ACACB: variants seen among roughly 807,000 people sequenced by gnomAD.
ACACB encodes acetyl-CoA carboxylase beta.
ACACB carries 209 observed loss-of-function variants against 278.8 expected under a neutral mutation model. The ratio of observed to expected loss-of-function variants is 0.75; its 90% CI spans 0.67 to 0.84. The LOEUF is 0.84. ACACB is among the 40% of genes least tolerant of loss of function. ACACB has a pLI of 0.00. For missense variants in ACACB, 2,850 were observed against 3,269.0 expected (o/e 0.87, Z 3.13); for synonymous variants, 1,174 against 1,285.6 (o/e 0.91, Z 1.86).
At chr12:109,186,874 G>T (rs1027383378) in intron 12 of ACACB, among the ~76,000 whole-genome samples, 5 of 152,094 alleles carry the variant, frequency 3.3e-5, no homozygotes, top group South Asian at 4.1e-4. Context: ...CACTTGGGTC[G>T]CTCCATCTCT....
upstream of ACACB, among the ~76,000 whole-genome samples, chr12:109,112,688 CAAAA>C (rs57131257): frequency 0.31 from 32,067 of 103,168 alleles, 3,961 homozygotes; most frequent in African/African-American, 0.42. Flanking sequence ...AACTCCGTCT[CAAAA>C]AAAAAAAAAA....
In ACACB at chr12:109,138,892, T is replaced by G. The variant is rs1326876930; in HGVS notation, c.-9-505T>G. Among the ~76,000 whole-genome samples the G allele has an allele frequency of 5.3e-5, 8 of 152,140 alleles. No homozygotes were observed. The South Asian group carries it at 8.3e-4, about 16-fold the overall frequency. The stretch of plus-strand genomic sequence containing the variant: ...AAAAAACCCCAGCTTTATTGAGAGA[T>G]AATTCACATGGCATACAATCCACTC... On this transcript the variant is annotated intron_variant, in intron 1 of 52. Transcript: ENST00000338432.
chr12:109,152,640 C>CTTTTTTTTTTTTTTTTTT (rs34863094), intron 2 of ACACB, among the ~76,000 whole-genome samples: 14 of 74,862 alleles, frequency 1.9e-4, no homozygotes, highest in Non-Finnish European at 3.3e-4. Context: ...TTCTTTCTTT[C>CTTTTTTTTTTTTTTTTTT]TTTTTTTTTT....
At chr12:109,182,544 A>AT (rs1314558240) in intron 11 of ACACB, among the ~76,000 whole-genome samples, 1 of 151,878 alleles carries the variant, frequency 6.6e-6, no homozygotes, top group Non-Finnish European at 1.5e-5. Flanking sequence ...ACTTTTTAAA[A>AT]TTTTTTGTAC....
intron 9 of ACACB, among the ~76,000 whole-genome samples, chr12:109,178,472 T>A (rs1461909304): frequency 1.3e-5 from 2 of 152,230 alleles, no homozygotes; most frequent in Non-Finnish European, 2.9e-5. Context: ...TGTTGCTATA[T>A]GCATAGAAGA....
intron 44 of ACACB, among the ~76,000 whole-genome samples, chr12:109,254,819 G>A (rs1315404674): frequency 6.6e-6 from 1 of 151,576 alleles, no homozygotes; most frequent in African/African-American, 2.4e-5. Context: ...CTGTCGCCCA[G>A]GCTGGAGTGC....
At chr12:109,194,502 CTGTGTGTGCATG>C (rs1565907894) in intron 16 of ACACB, among the ~76,000 whole-genome samples, 61 of 73,028 alleles carry the variant, frequency 8.4e-4, no homozygotes, top group African/African-American at 3.1e-3. Flanking sequence ...ACCTCTGCCT[CTGTGTGTGCATG>C]TGTGTGTGTG....
intron 19 of ACACB, among the ~76,000 whole-genome samples, chr12:109,202,849 A>T (rs890854634): frequency 2.0e-5 from 3 of 152,180 alleles, no homozygotes; most frequent in Non-Finnish European, 2.9e-5. Context: ...TTCATTTTTT[A>T]AAAATTGTGG....
chr12:109,160,472 T>G (rs1233036106), intron 2 of ACACB, among the ~76,000 whole-genome samples: 1 of 152,216 alleles, frequency 6.6e-6, no homozygotes, highest in Non-Finnish European at 1.5e-5. Flanking sequence ...CCATTCCTGA[T>G]ACTATTCTGC....
At chr12:109,113,739 C>T (rs2042352455), upstream of ACACB, among the ~76,000 whole-genome samples, 1 of 152,182 alleles carries the variant, frequency 6.6e-6, no homozygotes, top group Non-Finnish European at 1.5e-5. Context: ...TTGGCGTATG[C>T]GTGTGGTGTT....
rs528977998 is a variant in ACACB, at chr12:109,199,534, C to T, written c.2760C>T (p.Ser920=). Residue 920 remains serine (S), a synonymous_variant, in exon 18 of 53, where the codon AGC becomes AGT. Coordinates refer to ENST00000338432, the MANE Select transcript of ACACB (RefSeq NM_001093.4). ...VEDGGHVEAG[S]SYAEMEVMKM... is the part of the protein sequence containing the mutation. ...ATGGGGGCCACGTTGAGGCTGGGAG[C>T]AGCTACGCTGAGATGGAGGTGACTG... 2 of 1,495,564 alleles carry T rather than the reference C, an allele frequency of 1.3e-6. No homozygotes were observed. Among genetic ancestry groups the T allele is most frequent in the Admixed American group, 2.2e-5 (1 of 46,084 alleles). 92.6% of individuals were successfully genotyped at this position (1,495,564 alleles called of 1,614,324 possible).
At chr12:109,238,342 ATTTTT>A (rs750967305) in intron 34 of ACACB, among the ~76,000 whole-genome samples, 1 of 133,738 alleles carries the variant, frequency 7.5e-6, no homozygotes, top group African/African-American at 2.8e-5. Flanking sequence ...ACCGTGTATA[ATTTTT>A]TTTTTTTTTT....
intron 13 of ACACB, among the ~76,000 whole-genome samples, chr12:109,189,937 C>T (rs980676376): frequency 1.3e-5 from 2 of 152,010 alleles, no homozygotes; most frequent in African/African-American, 4.8e-5. Flanking sequence ...ATGACGAAAC[C>T]CCGTGTCTAC....
Position 109,266,700 on chromosome 12 carries a change from G to T in ACACB, c.*338G>T. On this transcript the variant is annotated 3_prime_UTR_variant, in exon 53 of 53. Transcript: ENST00000338432. ...GCATGTGGGATCCAGGCGTTCTTTAGGATCCTTGGATACCACATCGTGAAA... is the reference window on the plus strand; with the variant it reads ...GCATGTGGGATCCAGGCGTTCTTTATGATCCTTGGATACCACATCGTGAAA... The T allele has an allele frequency of 5.9e-6, 1 of 170,744 alleles. No homozygotes were observed. Among genetic ancestry groups the T allele is most frequent in the Non-Finnish European group, 1.2e-5 (1 of 80,772 alleles). 10.6% of individuals were successfully genotyped at this position (170,744 alleles called of 1,614,324 possible). A position where few individuals can be genotyped will look rare whatever the true frequency, so the allele number is the denominator to read the frequency against.
intron 2 of ACACB, among the ~76,000 whole-genome samples, chr12:109,140,856 C>G (rs1219903263): frequency 6.8e-6 from 1 of 148,026 alleles, no homozygotes; most frequent in Non-Finnish European, 1.5e-5. Flanking sequence ...GGGCAGTTCT[C>G]TCTGCCTCCT....
At chr12:109,263,973 T>C (rs2047445391) in intron 49 of ACACB, 1 of 462,800 alleles carries the variant, frequency 2.2e-6, no homozygotes, top group Non-Finnish European at 3.9e-6. Context: ...CTGTACTAGC[T>C]ATTTGATCTG....
chr12:109,171,095 C>G (rs1159311303), intron 4 of ACACB, among the ~76,000 whole-genome samples: 2 of 142,314 alleles, frequency 1.4e-5, no homozygotes, highest in East Asian at 4.1e-4. Context: ...CTCAAGTGAT[C>G]CTCCTGCCTC....
intron 18 of ACACB, among the ~76,000 whole-genome samples, chr12:109,200,954 G>T (rs183664958): frequency 2.8e-4 from 43 of 152,120 alleles, no homozygotes; most frequent in African/African-American, 9.7e-4. Context: ...AGAGGTATTG[G>T]TGGGGGCAGT....
chr12:109,221,280 C>T (rs2046152552), intron 24 of ACACB, among the ~76,000 whole-genome samples: 1 of 152,232 alleles, frequency 6.6e-6, no homozygotes, highest in South Asian at 2.1e-4. Flanking sequence ...AAATGCCCCA[C>T]AGCTCTACCA....
Sources: allele counts gnomAD v4.1 joint callset (sites outside exome capture counted in the v4.1 genomes callset), GRCh38; gene constraint gnomAD v4.1.1; transcripts MANE v1.5; gene names NCBI Gene and HGNC (gene_info 2026-07-23, HGNC 2026-07-21).